Variants in SYN3 observed in about 807,000 individuals in gnomAD.
SYN3 encodes the protein synapsin-3.
Under a neutral mutation model 65.8 loss-of-function variants are expected in SYN3, and 35 were observed. The observed-to-expected ratio is 0.53, with a 90% CI of 0.41 to 0.70. The LOEUF (loss-of-function observed/expected upper bound fraction) is 0.70. Among genes scored for constraint, SYN3 ranks in the 30% least tolerant of loss-of-function variants. The probability of loss-of-function intolerance (pLI) is 0.00; values close to 1 mark genes in which losing one functional copy is unlikely to be tolerated. For synonymous variants in SYN3, 270 were observed against 292.9 expected, an observed-to-expected ratio of 0.92 and a Z score of 0.80; for missense variants, 680 against 749.0, an observed-to-expected ratio of 0.91 and a Z score of 1.08.
In SYN3 at chr22:32,865,005, C is replaced by G; in HGVS notation, c.622-1G>C. ...GGAAGATCTTAATGAGCTGAGAGAA[C>G]TAGGATAGAAGAGGAGAGAACATTG... On this transcript the variant is annotated splice_acceptor_variant, in intron 5 of 13. Coordinates refer to ENST00000358763, the MANE Select transcript of SYN3 (RefSeq NM_003490.4). LOFTEE classifies it high-confidence loss of function. 6.2e-7 allele frequency: 1 copy of G among 1,612,482 alleles called. No individual in the cohort carries two copies.
intron 6 of SYN3, among the ~76,000 whole-genome samples, chr22:32,781,207 G>A (rs558055848): frequency 6.6e-6 from 1 of 151,874 alleles, no homozygotes; most frequent in African/African-American, 2.4e-5. Context: ...CTTGTCCAAG[G>A]TTCCACAGAC....
intron 3 of SYN3, among the ~76,000 whole-genome samples, chr22:32,949,466 G>A (rs1169200371): frequency 2.6e-5 from 4 of 151,738 alleles, no homozygotes; most frequent in Admixed American, 1.3e-4. Flanking sequence ...TTGGATTTTC[G>A]GACTTGGGAT....
chr22:32,806,187 A>G lies in SYN3; in HGVS notation c.711+58728T>C, dbSNP rs530698823. Among the ~76,000 whole-genome samples the G allele has an allele frequency of 2.6e-5, 4 of 152,102 alleles. No homozygotes were observed. The South Asian group carries it at 8.3e-4, about 32-fold the overall frequency. ...GTACCCGGTCTGCCAGTGTGGTAGG[A>G]GGAAAGCCAGGGGGAGTCAGGAGAC... On this transcript the variant is annotated intron_variant, in intron 6 of 13. Transcript: ENST00000358763.
chr22:32,932,308 G>A (rs1423363581), intron 3 of SYN3, among the ~76,000 whole-genome samples: 1 of 150,122 alleles, frequency 6.7e-6, no homozygotes, highest in Non-Finnish European at 1.5e-5. Flanking sequence ...TCTGGTTACA[G>A]CAGCAGCACC....
chr22:32,884,067 T>C (rs1469140629), intron 4 of SYN3, among the ~76,000 whole-genome samples: 2 of 152,220 alleles, frequency 1.3e-5, no homozygotes, highest in African/African-American at 2.4e-5. Context: ...TGGGACTTCA[T>C]ATACTCATAC....
intron 4 of SYN3, among the ~76,000 whole-genome samples, chr22:32,877,470 G>A (rs2146394899): frequency 6.6e-6 from 1 of 152,268 alleles, no homozygotes; most frequent in East Asian, 1.9e-4. Flanking sequence ...TTTTCAGGCT[G>A]GATAATTCTC....
chr22:32,547,134 C>T (rs893509906), intron 7 of SYN3, among the ~76,000 whole-genome samples: 5 of 152,042 alleles, frequency 3.3e-5, no homozygotes, highest in South Asian at 2.1e-4. Context: ...CATGACATCA[C>T]GCCTGGCTGT....
chr22:32,852,791 A>G (rs764194999), intron 6 of SYN3, among the ~76,000 whole-genome samples: 6 of 152,168 alleles, frequency 3.9e-5, no homozygotes, highest in Admixed American at 1.3e-4. Flanking sequence ...GCTTATTGCA[A>G]TCCCAAACTT....
chr22:33,048,737 C>A (rs1408184665), intron 1 of SYN3, among the ~76,000 whole-genome samples: 1 of 152,162 alleles, frequency 6.6e-6, no homozygotes, highest in Non-Finnish European at 1.5e-5. Context: ...GCCAAATAAA[C>A]CTCTTTTCTT....
intron 4 of SYN3, among the ~76,000 whole-genome samples, chr22:32,918,319 C>G (rs901897690): frequency 6.6e-6 from 1 of 152,148 alleles, no homozygotes; most frequent in East Asian, 1.9e-4. Flanking sequence ...AGTTATAGTA[C>G]AGGAAGAGCA....
At chr22:32,935,574 C>A (rs542020869) in intron 3 of SYN3, among the ~76,000 whole-genome samples, 1 of 152,020 alleles carries the variant, frequency 6.6e-6, no homozygotes, top group East Asian at 1.9e-4. Context: ...CCTCAGCCTC[C>A]TAAGCAGCTG....
intron 6 of SYN3, among the ~76,000 whole-genome samples, chr22:32,780,561 G>C (rs1373322087): frequency 6.6e-6 from 1 of 152,144 alleles, no homozygotes; most frequent in Non-Finnish European, 1.5e-5. Flanking sequence ...TCCACAAAGA[G>C]CTTTGTAATT....
At chr22:32,996,254 G>A (rs1229266866) in intron 2 of SYN3, among the ~76,000 whole-genome samples, 2 of 152,134 alleles carry the variant, frequency 1.3e-5, no homozygotes, top group Non-Finnish European at 2.9e-5. Context: ...GCATAGGAAA[G>A]GCATAAACTC....
chr22:32,744,310 T>TGG (rs1238957012), intron 6 of SYN3, among the ~76,000 whole-genome samples: 4 of 152,154 alleles, frequency 2.6e-5, no homozygotes, highest in Admixed American at 6.5e-5. Context: ...TCTGAGAGAC[T>TGG]GGGCACTCCC....
At chr22:32,795,658 G>A (rs2046412858) in intron 6 of SYN3, among the ~76,000 whole-genome samples, 2 of 152,140 alleles carry the variant, frequency 1.3e-5, no homozygotes, top group African/African-American at 4.8e-5. Flanking sequence ...AAAAGGGAAG[G>A]GGAGAGAGCC....
chr22:32,922,046 C>A (rs1036186654), intron 4 of SYN3, among the ~76,000 whole-genome samples: 1 of 152,220 alleles, frequency 6.6e-6, no homozygotes, highest in African/African-American at 2.4e-5. Flanking sequence ...ATGATGGGCA[C>A]TTAGCACAGC....
intron 1 of SYN3, among the ~76,000 whole-genome samples, chr22:33,046,324 A>C (rs369405386): frequency 1.1e-4 from 17 of 152,220 alleles, no homozygotes; most frequent in African/African-American, 4.1e-4. Flanking sequence ...TATCCTAGCA[A>C]TCCAACTCTT....
intron 6 of SYN3, among the ~76,000 whole-genome samples, chr22:32,706,530 T>C (rs1264022298): frequency 6.6e-6 from 1 of 152,222 alleles, no homozygotes; most frequent in Non-Finnish European, 1.5e-5. Context: ...GATAATTCAC[T>C]ACCAGTAGAT....
rs1000285227 is a variant in SYN3 at position 32,746,742 on chromosome 22, C to T, written c.711+118173G>A. Among the ~76,000 whole-genome samples, 18 of 152,192 alleles carry T rather than the reference C, an allele frequency of 1.2e-4. No homozygotes were observed. The South Asian group carries it at 1.9e-3, about 16-fold the overall frequency. On this transcript the variant is annotated intron_variant, in intron 6 of 13. Transcript: ENST00000358763. ...CATGAGCTCCTGAGGGCAGAGACTA[C>T]CTTGTTCAGCCCCAGGTGCCCAGGG...
Sources: gnomAD v4.1 joint callset for allele counts (sites outside exome capture counted in the v4.1 genomes callset) on GRCh38, gnomAD v4.1.1 for gene constraint, MANE v1.5 for transcripts, NCBI Gene and HGNC (gene_info 2026-07-23, HGNC 2026-07-21) for gene names.